EYA1: variants seen among roughly 807,000 people sequenced by gnomAD.
EYA1 encodes protein phosphatase EYA1.
EYA1 carries 16 observed loss-of-function variants against 82.0 expected under a neutral mutation model. The observed-to-expected ratio is 0.20, with a 90% CI of 0.13 to 0.30. The LOEUF (loss-of-function observed/expected upper bound fraction) is 0.30. Ranked by LOEUF, EYA1 falls within the 10% of genes least tolerant of loss-of-function variation. The pLI, the probability that EYA1 is intolerant of heterozygous loss-of-function variation, is 1.00. For synonymous variants in EYA1, 261 were observed against 264.4 expected (o/e 0.99, Z 0.12); for missense variants, 633 against 730.7 (o/e 0.87, Z 1.54).
At chr8:71,390,018 T>C (rs1350348920) in intron 2 of EYA1, among the ~76,000 whole-genome samples, 1 of 152,224 alleles carries the variant, frequency 6.6e-6, no homozygotes, top group Non-Finnish European at 1.5e-5. Flanking sequence ...CTTTTTCTTT[T>C]GCATTTAGTA....
chr8:71,455,173 C>A (rs1394266902), intron 2 of EYA1, among the ~76,000 whole-genome samples: 2 of 151,928 alleles, frequency 1.3e-5, no homozygotes, highest in Non-Finnish European at 2.9e-5. Context: ...TGGATAAATT[C>A]CTTGACACAT....
intron 12 of EYA1, among the ~76,000 whole-genome samples, chr8:71,221,640 G>A (rs1809931294): frequency 6.6e-6 from 1 of 152,092 alleles, no homozygotes; most frequent in Admixed American, 6.5e-5. Flanking sequence ...AGGGCTCTTC[G>A]CCACCCACTA....
intron 2 of EYA1, among the ~76,000 whole-genome samples, chr8:71,451,579 CT>C (rs1213194894): frequency 6.6e-6 from 1 of 151,940 alleles, no homozygotes; most frequent in African/African-American, 2.4e-5. Context: ...ATTTATTATC[CT>C]CATAATCAAG....
intron 12 of EYA1, chr8:71,225,319 G>A (rs1409547969): frequency 4.4e-6 from 2 of 456,176 alleles, no homozygotes; most frequent in Non-Finnish European, 8.8e-6. Context: ...GAGATGGGGA[G>A]GGTATGTGGT....
chr8:71,432,639 A>G (rs563912402), intron 2 of EYA1, among the ~76,000 whole-genome samples: 1 of 152,290 alleles, frequency 6.6e-6, no homozygotes, highest in African/African-American at 2.4e-5. Flanking sequence ...ACACAGTTAT[A>G]TTGGATCAGG....
At chr8:71,354,635 T>G in intron 3 of EYA1, 147 bp downstream of exon 3, 1 of 790,506 alleles carries the variant, frequency 1.3e-6, no homozygotes, top group Non-Finnish European at 2.1e-6. Context: ...CAATGAGTAC[T>G]GATTGGTAAG....
At chr8:71,331,344 C>T (rs764948694) in intron 4 of EYA1, among the ~76,000 whole-genome samples, 8 of 151,012 alleles carry the variant, frequency 5.3e-5, no homozygotes, top group Non-Finnish European at 1.0e-4. Flanking sequence ...ATTCTTTTAC[C>T]ACAGTACAGT....
intron 2 of EYA1, among the ~76,000 whole-genome samples, chr8:71,382,223 C>T (rs887409495): frequency 1.3e-5 from 2 of 151,976 alleles, no homozygotes; most frequent in Non-Finnish European, 2.9e-5. Flanking sequence ...TAGATAAAAG[C>T]TTTATTTTCA....
chr8:71,545,756 T>A lies in EYA1; in HGVS notation c.-73+2108A>T, dbSNP rs369132200. Among the ~76,000 whole-genome samples the A allele has an allele frequency of 1.7e-4, 26 of 151,776 alleles. No homozygotes were observed. The East Asian group carries it at 5.0e-3, about 29-fold the overall frequency. On this transcript the variant is annotated intron_variant, in intron 1 of 18. Transcript: ENST00000643681. ...TTTTGTATTTTTAGTAGTGGCAGGGTTTCACCCGTTAGCCAGGATGGTCTC... is the reference window on the plus strand; with the variant it reads ...TTTTGTATTTTTAGTAGTGGCAGGGATTCACCCGTTAGCCAGGATGGTCTC...
At chr8:71,397,762 G>T (rs1275842204) in intron 2 of EYA1, among the ~76,000 whole-genome samples, 2 of 151,850 alleles carry the variant, frequency 1.3e-5, no homozygotes. Context: ...TAACAATTGT[G>T]TGTCTTGGAG....
intron 2 of EYA1, among the ~76,000 whole-genome samples, chr8:71,450,428 G>A (rs542654746): frequency 3.9e-5 from 6 of 152,248 alleles, no homozygotes; most frequent in South Asian, 2.1e-4. Context: ...ATGGGAGAGC[G>A]GGTGGTAAGT....
chr8:71,470,809 A>G, intron 2 of EYA1: 1 of 446,914 alleles, frequency 2.2e-6, no homozygotes, highest in Non-Finnish European at 4.4e-6. Flanking sequence ...AGCATTAAAA[A>G]TAAAAACAGA....
intron 1 of EYA1, among the ~76,000 whole-genome samples, chr8:71,545,883 C>T (rs991463456): frequency 2.6e-5 from 4 of 152,112 alleles, no homozygotes; most frequent in African/African-American, 9.7e-5. Flanking sequence ...TTAATTCGCA[C>T]TTTTCTCTGC....
chr8:71,428,631 A>G (rs963723570), intron 2 of EYA1, among the ~76,000 whole-genome samples: 12 of 152,306 alleles, frequency 7.9e-5, no homozygotes, highest in Non-Finnish European at 1.6e-4. Context: ...TAGTTACCTC[A>G]ATCTGAATAA....
chr8:71,410,030 T>C (rs1234574949), intron 2 of EYA1, among the ~76,000 whole-genome samples: 1 of 152,004 alleles, frequency 6.6e-6, no homozygotes, highest in Non-Finnish European at 1.5e-5. Context: ...TCCACCATGA[T>C]CAAGTGGGCT....
chr8:71,223,768 A>T (rs1449386627), intron 12 of EYA1, among the ~76,000 whole-genome samples: 1 of 152,172 alleles, frequency 6.6e-6, no homozygotes, highest in Non-Finnish European at 1.5e-5. Context: ...TGGGCCACAG[A>T]CATGTTCTTT....
At chr8:71,529,321 A>G (rs1434641354) in intron 2 of EYA1, 1 of 152,228 alleles carries the variant, frequency 6.6e-6, no homozygotes, top group Non-Finnish European at 1.5e-5. Flanking sequence ...TTGCTATCAG[A>G]TAGATAAACA....
At chr8:71,395,937 G>C (rs1337795908) in intron 2 of EYA1, among the ~76,000 whole-genome samples, 1 of 151,958 alleles carries the variant, frequency 6.6e-6, no homozygotes, top group African/African-American at 2.4e-5. Flanking sequence ...TTTTTTGGTT[G>C]GTAGGCTATT....
chr8:71,492,369 A>C (rs1811066093), intron 2 of EYA1, among the ~76,000 whole-genome samples: 1 of 152,188 alleles, frequency 6.6e-6, no homozygotes, highest in Non-Finnish European at 1.5e-5. Flanking sequence ...GGGAGAAGAG[A>C]TGGGAAGAGA....
Sources: allele counts gnomAD v4.1 joint callset (sites outside exome capture counted in the v4.1 genomes callset), GRCh38; gene constraint gnomAD v4.1.1; transcripts MANE v1.5; gene names NCBI Gene and HGNC (gene_info 2026-07-23, HGNC 2026-07-21).